SLC25A16: variants seen among roughly 807,000 people sequenced by gnomAD.
SLC25A16 encodes mitochondrial coenzyme A transporter SLC25A16.
A neutral mutation model predicts 41.5 loss-of-function variants in SLC25A16; 39 were observed. The observed-to-expected ratio is 0.94, with a 90% CI of 0.73 to 1.23. The LOEUF (loss-of-function observed/expected upper bound fraction) is 1.23. Ranked by LOEUF, SLC25A16 falls within the 50% of genes most tolerant of loss-of-function variation. The pLI is 0.00. For synonymous variants in SLC25A16, 146 were observed against 147.8 expected (o/e 0.99, Z 0.09); for missense variants, 421 against 426.9 (o/e 0.99, Z 0.12).
Position 68,521,915 on chromosome 10 carries a change from C to T in SLC25A16, c.131-5072G>A, listed in dbSNP as rs565888620. Among the ~76,000 whole-genome samples the T allele has an allele frequency of 2.0e-5, 3 of 151,782 alleles. No individual in the cohort carries two copies. In the South Asian group the frequency reaches 6.2e-4, roughly 31 times the overall value. ...CCCGGCCATGCCTGTAATCTTAACA[C>T]TTTGGGATGCTGAGGTGGGCAGATC... On this transcript the variant is annotated intron_variant, in intron 1 of 8. Transcript: ENST00000609923.
chr10:68,485,049 T>C (rs2133481161), intron 8 of SLC25A16, among the ~76,000 whole-genome samples: 1 of 152,308 alleles, frequency 6.6e-6, no homozygotes, highest in Non-Finnish European at 1.5e-5. Flanking sequence ...AAAGTTTAGG[T>C]TAAACAAAAA....
At position 68,481,619 on chromosome 10, in the gene SLC25A16, TCTC is replaced by T. The variant is rs1419494250; in HGVS notation, c.*1810_*1812del. The T allele has an allele frequency of 6.6e-6, 1 of 151,128 alleles. No homozygotes were observed. The highest frequency in any genetic ancestry group is 1.5e-5 in the Non-Finnish European group (1 of 67,862). 9.4% of individuals were successfully genotyped at this position (151,128 alleles called of 1,614,324 possible). On this transcript the variant is annotated 3_prime_UTR_variant, in exon 9 of 9. Transcript: ENST00000609923. ...CTGGACTCAACTTAGTTTTCTAATGTCTCCTTTTTTTTGAGATGGAGGCTCATT... is the reference window on the plus strand; with the variant it reads ...CTGGACTCAACTTAGTTTTCTAATGTCTTTTTTTTGAGATGGAGGCTCATT...
intron 3 of SLC25A16, among the ~76,000 whole-genome samples, chr10:68,505,615 A>T (rs2052938324): frequency 6.6e-6 from 1 of 152,036 alleles, no homozygotes; most frequent in Non-Finnish European, 1.5e-5. Flanking sequence ...TCTACTAAAA[A>T]TACAAAATTA....
intron 1 of SLC25A16, among the ~76,000 whole-genome samples, chr10:68,525,454 T>C (rs2053321838): frequency 6.6e-6 from 1 of 152,134 alleles, no homozygotes; most frequent in Admixed American, 6.6e-5. Context: ...TTGTTTGTTT[T>C]TGTTTTTTTC....
At chr10:68,523,711 G>T (rs1486588970) in intron 1 of SLC25A16, among the ~76,000 whole-genome samples, 1 of 152,098 alleles carries the variant, frequency 6.6e-6, no homozygotes, top group Non-Finnish European at 1.5e-5. Flanking sequence ...CTGACCTCAG[G>T]TGATCTGCCC....
chr10:68,512,638 CAAAAA>C (rs1163431016), intron 2 of SLC25A16, among the ~76,000 whole-genome samples: 507 of 17,096 alleles, frequency 0.03, 14 homozygotes, highest in African/African-American at 0.12. Context: ...GACTCCGTCT[CAAAAA>C]AAAAAAAAAA....
intron 3 of SLC25A16, among the ~76,000 whole-genome samples, chr10:68,505,778 T>C (rs775715509): frequency 2.0e-5 from 3 of 152,130 alleles, no homozygotes; most frequent in Non-Finnish European, 4.4e-5. Flanking sequence ...CTCAAGCCTG[T>C]AATCCCAGCA....
chr10:68,511,286 A>C (rs1271115231), intron 2 of SLC25A16, among the ~76,000 whole-genome samples: 1 of 152,176 alleles, frequency 6.6e-6, no homozygotes, highest in East Asian at 1.9e-4. Flanking sequence ...ATACAGATTT[A>C]TTTTTTTGAG....
chr10:68,485,674 C>T (rs1292374630), intron 8 of SLC25A16, among the ~76,000 whole-genome samples: 3 of 151,986 alleles, frequency 2.0e-5, no homozygotes, highest in Non-Finnish European at 4.4e-5. Context: ...TGAGCCACTG[C>T]GACAGGCCTT....
chr10:68,505,286 C>A (rs751153666), intron 3 of SLC25A16, among the ~76,000 whole-genome samples: 2 of 151,934 alleles, frequency 1.3e-5, no homozygotes, highest in African/African-American at 2.4e-5. Context: ...GAGGTTGAGG[C>A]TGCAGTAAGC....
intron 3 of SLC25A16, among the ~76,000 whole-genome samples, chr10:68,504,265 C>A (rs144006958): frequency 0.022 from 3,270 of 151,950 alleles, 118 homozygotes; most frequent in African/African-American, 0.075. Context: ...GATCCACCCA[C>A]CTCGGCCTCT....
intron 1 of SLC25A16, among the ~76,000 whole-genome samples, chr10:68,521,861 T>G (rs1240399188): frequency 6.0e-5 from 9 of 151,000 alleles, no homozygotes; most frequent in Non-Finnish European, 1.2e-4. Flanking sequence ...CCTCCCAAAG[T>G]GCTGGGATTA....
intron 4 of SLC25A16, among the ~76,000 whole-genome samples, chr10:68,493,915 CTCTCCTGA>C (rs2052705317): frequency 6.6e-6 from 1 of 152,108 alleles, no homozygotes; most frequent in Non-Finnish European, 1.5e-5. Flanking sequence ...ACACAGTAGG[CTCTCCTGA>C]TCCATTGTTT....
intron 8 of SLC25A16, 139 bp downstream of exon 8, chr10:68,487,005 T>C: frequency 2.5e-6 from 1 of 404,798 alleles, no homozygotes; most frequent in Non-Finnish European, 4.5e-6. Context: ...CTGATTGTAA[T>C]CTTATAAAGT....
At chr10:68,515,399 T>C (rs2053144980) in intron 2 of SLC25A16, among the ~76,000 whole-genome samples, 1 of 151,828 alleles carries the variant, frequency 6.6e-6, no homozygotes, top group Non-Finnish European at 1.5e-5. Flanking sequence ...TGGATTCTTC[T>C]TGAACAAATA....
At chr10:68,522,034 C>T (rs2053259128) in intron 1 of SLC25A16, among the ~76,000 whole-genome samples, 1 of 151,924 alleles carries the variant, frequency 6.6e-6, no homozygotes, top group South Asian at 2.1e-4. Flanking sequence ...ATGGCGCACA[C>T]CACCTGTAGT....
chr10:68,525,415 C>G (rs572353708), intron 1 of SLC25A16, among the ~76,000 whole-genome samples: 1 of 152,094 alleles, frequency 6.6e-6, no homozygotes, highest in Admixed American at 6.6e-5. Context: ...GGATTACAGG[C>G]GTGAGCCACC....
rs1384751013 is a variant in SLC25A16 at position 68,478,464 on chromosome 10, C to T, written c.*4968G>A. 6.6e-6 allele frequency: 1 copy of T among 152,098 alleles called. No homozygotes were observed. The highest frequency in any genetic ancestry group is 1.5e-5 in the Non-Finnish European group (1 of 68,008). The allele number at this position is 152,098 out of a possible 1,614,324, so 9.4% of individuals were successfully genotyped here. ...GTATTATTGATCCAACTCTGCAAGG[C>T]AACCCATTAATTGTACATAGTTTGG... On this transcript the variant is annotated 3_prime_UTR_variant, in exon 9 of 9. Transcript: ENST00000609923.
intron 4 of SLC25A16, among the ~76,000 whole-genome samples, chr10:68,502,356 A>C (rs113867612): frequency 0.015 from 2,275 of 152,288 alleles, 69 homozygotes; most frequent in African/African-American, 0.052. Context: ...ATAGGGAAAA[A>C]AATCTTGGAT....
Sources: gnomAD v4.1 joint callset for allele counts (sites outside exome capture counted in the v4.1 genomes callset) on GRCh38, gnomAD v4.1.1 for gene constraint, MANE v1.5 for transcripts, NCBI Gene and HGNC (gene_info 2026-07-23, HGNC 2026-07-21) for gene names.